CHCHD3: variants seen among roughly 807,000 people sequenced by gnomAD.
The protein encoded by CHCHD3 is MICOS complex subunit MIC19.
In CHCHD3, 20 loss-of-function variants were observed where a neutral mutation model predicts 38.2. The ratio of observed to expected loss-of-function variants is 0.52; its 90% CI spans 0.37 to 0.76. The LOEUF (loss-of-function observed/expected upper bound fraction) is 0.76. Ranked by LOEUF, CHCHD3 falls within the 30% of genes least tolerant of loss-of-function variation. CHCHD3 has a pLI of 0.00. For synonymous variants in CHCHD3, 82 were observed against 100.0 expected, an observed-to-expected ratio of 0.82 and a Z score of 1.07; for missense variants, 245 against 279.2, an observed-to-expected ratio of 0.88 and a Z score of 0.87.
At chr7:133,067,135 A>G (rs1007099718) in intron 2 of CHCHD3, among the ~76,000 whole-genome samples, 1 of 152,230 alleles carries the variant, frequency 6.6e-6, no homozygotes, top group Non-Finnish European at 1.5e-5. Context: ...ATAGGGTTAT[A>G]AGGATGAAAT....
intron 2 of CHCHD3, among the ~76,000 whole-genome samples, chr7:133,034,195 A>G (rs940839785): frequency 4.6e-5 from 7 of 152,226 alleles, no homozygotes; most frequent in African/African-American, 1.7e-4. Context: ...AATACTGAAC[A>G]AACAGTTCAA....
At chr7:133,037,563 A>C (rs1012172328) in intron 2 of CHCHD3, among the ~76,000 whole-genome samples, 1 of 152,216 alleles carries the variant, frequency 6.6e-6, no homozygotes, top group African/African-American at 2.4e-5. Flanking sequence ...CTGTAATCCC[A>C]GCACTTTCGG....
intron 3 of CHCHD3, among the ~76,000 whole-genome samples, chr7:133,008,483 T>C (rs1341760685): frequency 1.3e-5 from 2 of 151,210 alleles, no homozygotes; most frequent in Non-Finnish European, 2.9e-5. Flanking sequence ...TATATTTATA[T>C]GTCACAGCAA....
At chr7:132,886,078 AATTTT>A (rs1317946411) in intron 4 of CHCHD3, among the ~76,000 whole-genome samples, 2 of 152,180 alleles carry the variant, frequency 1.3e-5, no homozygotes, top group Non-Finnish European at 2.9e-5. Flanking sequence ...ATGAAACTTT[AATTTT>A]ATCCTGGGCA....
At chr7:133,002,492 A>G (rs1812599663) in intron 3 of CHCHD3, among the ~76,000 whole-genome samples, 1 of 152,110 alleles carries the variant, frequency 6.6e-6, no homozygotes, top group Non-Finnish European at 1.5e-5. Flanking sequence ...GAAATCCATG[A>G]TAATTAGGCT....
chr7:132,925,674 G>A (rs950414644), intron 4 of CHCHD3, among the ~76,000 whole-genome samples: 13 of 152,148 alleles, frequency 8.5e-5, no homozygotes, highest in South Asian at 2.1e-4. Context: ...CACCGCACAC[G>A]TATATACCCC....
At chr7:133,005,589 G>A (rs75518336) in intron 3 of CHCHD3, among the ~76,000 whole-genome samples, 2,216 of 152,234 alleles carry the variant, frequency 0.015, 50 homozygotes, top group African/African-American at 0.05. Flanking sequence ...TTCTCATGGA[G>A]TTTTCATTTC....
rs115126938 is a variant in CHCHD3, at chr7:132,852,021, C to A, written c.454-13552G>T. 8.3e-3 allele frequency among the ~76,000 whole-genome samples: 1,259 copies of A among 152,272 alleles called. 17 individuals carry two copies. The highest frequency in any genetic ancestry group is 0.029 in the African/African-American group (1,198 of 41,536). ...TGAAAACTGTGGGCCAAGACGAAAG[C>A]CATAAATGATCAGCCTTACCGTAGA... On this transcript the variant is annotated intron_variant, in intron 5 of 7. Transcript: ENST00000262570.
rs182310136 is a variant in CHCHD3, at chr7:133,064,847, C to T, written c.169+5295G>A. 2.1e-3 allele frequency among the ~76,000 whole-genome samples: 316 copies of T among 152,124 alleles called. 1 individual carries two copies. The highest frequency in any genetic ancestry group is 2.8e-3 in the Non-Finnish European group (191 of 68,014). On this transcript the variant is annotated intron_variant, in intron 2 of 7. Coordinates refer to ENST00000262570, the MANE Select transcript of CHCHD3 (RefSeq NM_017812.4). ...TTTTTATCTGGTTGCCAGTAGCTTA[C>T]GAAAACAACAAAACATCTCCTAATA...
chr7:133,043,059 G>A (rs1392460576), intron 2 of CHCHD3, among the ~76,000 whole-genome samples: 2 of 151,918 alleles, frequency 1.3e-5, no homozygotes, highest in African/African-American at 4.8e-5. Flanking sequence ...TAGAGACAGA[G>A]GTTTCATTAT....
intron 5 of CHCHD3, among the ~76,000 whole-genome samples, chr7:132,842,254 T>A: frequency 6.6e-6 from 1 of 152,074 alleles, no homozygotes; most frequent in Admixed American, 6.6e-5. Flanking sequence ...GTTGGCTAAG[T>A]GGGGATTTTA....
intron 7 of CHCHD3, 117 bp downstream of exon 7, chr7:132,796,325 G>A: frequency 9.0e-7 from 1 of 1,111,520 alleles, no homozygotes; most frequent in Non-Finnish European, 1.3e-6. Flanking sequence ...TGATGATGAT[G>A]ACTAGGGCTT....
intron 4 of CHCHD3, among the ~76,000 whole-genome samples, chr7:132,949,449 T>C (rs573532726): frequency 1.3e-5 from 2 of 152,294 alleles, no homozygotes; most frequent in South Asian, 4.1e-4. Context: ...TAATGAAGTT[T>C]AAAATCACAA....
chr7:133,025,207 A>G (rs1584652506), intron 2 of CHCHD3, among the ~76,000 whole-genome samples: 1 of 152,210 alleles, frequency 6.6e-6, no homozygotes, highest in Admixed American at 6.5e-5. Flanking sequence ...AGAGACAGAG[A>G]AGAGTGCTGA....
intron 5 of CHCHD3, among the ~76,000 whole-genome samples, chr7:132,875,740 G>A (rs1371390719): frequency 6.6e-6 from 1 of 152,216 alleles, no homozygotes; most frequent in Non-Finnish European, 1.5e-5. Flanking sequence ...AATGAGTGGT[G>A]AATGCCAAGG....
intron 4 of CHCHD3, among the ~76,000 whole-genome samples, chr7:132,969,653 T>G (rs1310426075): frequency 6.6e-6 from 1 of 152,186 alleles, no homozygotes; most frequent in Non-Finnish European, 1.5e-5. Flanking sequence ...TCCCAAATAG[T>G]TCCTACTCCT....
chr7:132,957,368 A>C (rs532634812), intron 4 of CHCHD3, among the ~76,000 whole-genome samples: 7 of 152,330 alleles, frequency 4.6e-5, no homozygotes, highest in Admixed American at 2.0e-4. Flanking sequence ...CTAAAATAGC[A>C]ATACAATGGT....
At chr7:132,955,727 G>A (rs369449055) in intron 4 of CHCHD3, among the ~76,000 whole-genome samples, 2 of 152,130 alleles carry the variant, frequency 1.3e-5, no homozygotes, top group African/African-American at 4.8e-5. Context: ...AGGTCTTGGA[G>A]TGAGGGGAAG....
intron 3 of CHCHD3, among the ~76,000 whole-genome samples, chr7:132,975,925 TA>T (rs11417082): frequency 0.02 from 2,830 of 140,426 alleles, 97 homozygotes; most frequent in African/African-American, 0.067. Flanking sequence ...AGACTCCGTT[TA>T]AAAAAAAAAA....
Sources: allele counts gnomAD v4.1 joint callset (sites outside exome capture counted in the v4.1 genomes callset), GRCh38; gene constraint gnomAD v4.1.1; transcripts MANE v1.5; gene names NCBI Gene and HGNC (gene_info 2026-07-23, HGNC 2026-07-21).